The following FBH1 variants were observed in gnomAD, a reference collection of about 807,000 sequenced individuals.
FBH1 encodes DNA 3'-5' helicase 1.
In FBH1, 43 loss-of-function variants were observed where a neutral mutation model predicts 115.5. The ratio of observed to expected loss-of-function variants is 0.37; its 90% CI spans 0.29 to 0.48. FBH1 has a LOEUF of 0.48. Among genes scored for constraint, FBH1 ranks in the 20% least tolerant of loss-of-function variants. The pLI is 0.99. For synonymous variants in FBH1, 524 were observed against 507.8 expected (o/e 1.03, Z -0.43); for missense variants, 1,001 against 1,337.3 (o/e 0.75, Z 3.92).
chr10:5,898,355 A>G (rs150166986), intron 1 of FBH1, among the ~76,000 whole-genome samples: 2,002 of 152,062 alleles, frequency 0.013, 46 homozygotes, highest in African/African-American at 0.045. Context: ...TTATAAGGGC[A>G]CTAATCCCAT....
At chr10:5,928,991 A>G (rs1013834462) in intron 19 of FBH1, among the ~76,000 whole-genome samples, 2 of 152,130 alleles carry the variant, frequency 1.3e-5, no homozygotes, top group Non-Finnish European at 2.9e-5. Context: ...CTGGGGTTGA[A>G]CCACAGGGTG....
intron 1 of FBH1, among the ~76,000 whole-genome samples, chr10:5,893,006 G>C (rs1842820063): frequency 6.6e-6 from 1 of 152,190 alleles, no homozygotes; most frequent in Admixed American, 6.5e-5. Context: ...TAATGACCCT[G>C]CTTTAAAAAT....
intron 1 of FBH1, among the ~76,000 whole-genome samples, chr10:5,902,555 C>G (rs899031516): frequency 1.3e-5 from 2 of 152,048 alleles, no homozygotes; most frequent in African/African-American, 4.8e-5. Context: ...CAACCTCCAC[C>G]TCTTGGGTTC....
chr10:5,929,157 G>C (rs1832827787), intron 19 of FBH1, among the ~76,000 whole-genome samples: 1 of 152,158 alleles, frequency 6.6e-6, no homozygotes, highest in African/African-American at 2.4e-5. Context: ...CAGTGGGCAG[G>C]GAAATTCCTG....
chr10:5,918,336 T>G lies in FBH1; in HGVS notation c.1964-6T>G. Reference sequence around the variant, plus strand: ...GGTTTCTCACTTTTCCTCTCGTTGGTTACAGCTATCATGAACATAGTTCTG... The same window carrying G: ...GGTTTCTCACTTTTCCTCTCGTTGGGTACAGCTATCATGAACATAGTTCTG... On this transcript the variant is annotated splice_polypyrimidine_tract_variant and splice_region_variant and intron_variant, in intron 12 of 20. Transcript: ENST00000362091. This position sits in a 1 kb window ranked among gnomAD's most constrained non-coding sequence, Gnocchi z 4.0. 6.2e-7 allele frequency: 1 copy of G among 1,608,668 alleles called. No individual in the cohort carries two copies. Among genetic ancestry groups the G allele is most frequent in the Non-Finnish European group, 8.5e-7 (1 of 1,178,846 alleles).
chr10:5,922,304 C>A (rs1383650854), intron 15 of FBH1, among the ~76,000 whole-genome samples: 1 of 152,098 alleles, frequency 6.6e-6, no homozygotes, highest in African/African-American at 2.4e-5. Context: ...TATAATAATT[C>A]TCATTTTTGC....
chr10:5,931,011 C>T lies in FBH1; in HGVS notation c.2829+3470C>T, dbSNP rs957766664. Among the ~76,000 whole-genome samples, 2 of 152,152 alleles carry T rather than the reference C, an allele frequency of 1.3e-5. No homozygotes were observed. Among genetic ancestry groups the T allele is most frequent in the African/African-American group, 4.8e-5 (2 of 41,434 alleles). ...CTCCTGGGCTTAAGTGATCCTCCTACCTCAGCCTCCCAAAGTTCTGGGATT... is the reference window on the plus strand; with the variant it reads ...CTCCTGGGCTTAAGTGATCCTCCTATCTCAGCCTCCCAAAGTTCTGGGATT... On this transcript the variant is annotated intron_variant, in intron 19 of 20. Coordinates refer to ENST00000362091, the MANE Select transcript of FBH1 (RefSeq NM_178150.3). This position sits in a 1 kb window ranked among gnomAD's most constrained non-coding sequence, Gnocchi z 4.3.
At position 5,911,676 on chromosome 10, in the gene FBH1, C is replaced by T. The variant is rs1341532486; in HGVS notation, c.1211+548C>T. Among the ~76,000 whole-genome samples, 2 of 152,090 alleles carry T rather than the reference C, an allele frequency of 1.3e-5. No homozygotes were observed. The highest frequency in any genetic ancestry group is 2.9e-5 in the Non-Finnish European group (2 of 68,010). On this transcript the variant is annotated intron_variant, in intron 6 of 20. Transcript: ENST00000362091. This position sits in a 1 kb window ranked among gnomAD's most constrained non-coding sequence, Gnocchi z 5.4. Reference sequence around the variant, plus strand: ...TGTCCACGAGCCGGTCCACTGTGACCGGCTTAGAGGAGTTAGAGGAGATTC... The same window carrying T: ...TGTCCACGAGCCGGTCCACTGTGACTGGCTTAGAGGAGTTAGAGGAGATTC...
intron 1 of FBH1, among the ~76,000 whole-genome samples, chr10:5,893,558 A>G (rs531729540): frequency 5.1e-4 from 77 of 152,268 alleles, no homozygotes; most frequent in Non-Finnish European, 9.0e-4. Context: ...TTTTGCACAC[A>G]TTGTTTCCTT....
At position 5,906,185 on chromosome 10, in the gene FBH1, A is replaced by C. The variant is rs768075253; in HGVS notation, c.306A>C (p.Ala102=). Residue 102 remains alanine, a synonymous_variant, in exon 3 of 21, where the codon GCA becomes GCC. Transcript: ENST00000362091. This position sits in a 1 kb window ranked among gnomAD's most constrained non-coding sequence, Gnocchi z 7.3. The part of the protein sequence containing the change: ...DMIFPAESSC[A]LPQEGSAGPG... ...TCTTTCCTGCAGAGAGCAGCTGTGC[A>C]CTGCCTCAGGAAGGCAGTGCAGGGC... 3.1e-6 allele frequency: 5 copies of C among 1,614,172 alleles called. No homozygotes were observed. The South Asian group carries it at 5.5e-5, about 18-fold the overall frequency.
Position 5,921,207 on chromosome 10 carries a change from C to T in FBH1, c.2101-51C>T, listed in dbSNP as rs376977085. On this transcript the variant is annotated intron_variant, in intron 13 of 20. Coordinates refer to ENST00000362091, the MANE Select transcript of FBH1 (RefSeq NM_178150.3). The surrounding 1 kb of genome is among the most constrained non-coding windows in gnomAD (Gnocchi z 6.4). ...CTGTGGCAGCAGTGATGGAAATGCA[C>T]GGACACACCACAGGGCGGGCTGCTG... 185 of 1,562,898 alleles carry T rather than the reference C, an allele frequency of 1.2e-4. 3 individuals carry two copies. Among genetic ancestry groups the T allele is most frequent in the South Asian group, 1.1e-3 (95 of 89,198 alleles).
intron 3 of FBH1, among the ~76,000 whole-genome samples, chr10:5,908,549 C>T (rs1054127253): frequency 2.0e-5 from 3 of 151,842 alleles, no homozygotes; most frequent in African/African-American, 7.3e-5. Flanking sequence ...GCTGTGATTG[C>T]TTTTCACTGG....
In FBH1 at chr10:5,897,746, T is replaced by C. The variant is rs1321104913; in HGVS notation, c.2-5274T>C. ...GGCTTCATGCCAGAACATATTGGAA[T>C]ATACCGGGACTCCCTTGAAGCAGAA... On this transcript the variant is annotated intron_variant, in intron 1 of 20. Coordinates refer to ENST00000362091, the MANE Select transcript of FBH1 (RefSeq NM_178150.3). This position sits in a 1 kb window ranked among gnomAD's most constrained non-coding sequence, Gnocchi z 4.7. 1.3e-5 allele frequency among the ~76,000 whole-genome samples: 2 copies of C among 152,186 alleles called. No individual in the cohort carries two copies. Among genetic ancestry groups the C allele is most frequent in the East Asian group, 3.9e-4 (2 of 5,190 alleles).
chr10:5,916,390 T>A lies in FBH1; in HGVS notation c.1722T>A (p.Asp574Glu). 2 of 1,614,220 alleles carry A rather than the reference T, an allele frequency of 1.2e-6. No homozygotes were observed. Among genetic ancestry groups the A allele is most frequent in the Non-Finnish European group, 1.7e-6 (2 of 1,180,052 alleles). ...CGGCTGACGAAGAGCTGACCATTGATCACGTGCCTATTTGGTGTAAGAACA... is the reference window on the plus strand; with the variant it reads ...CGGCTGACGAAGAGCTGACCATTGAACACGTGCCTATTTGGTGTAAGAACA... ...FASADEELTI[D>E]HVPIWCKNSQ... is the part of the protein sequence containing the mutation. Residue 574 changes from aspartate (D) to glutamate (E), a missense_variant, in exon 10 of 21, where the codon GAT becomes GAA. Coordinates refer to ENST00000362091, the MANE Select transcript of FBH1 (RefSeq NM_178150.3).
At chr10:5,894,468 T>G in intron 1 of FBH1, 1 of 1,377,078 alleles carries the variant, frequency 7.3e-7, no homozygotes, top group Non-Finnish European at 1.0e-6. Flanking sequence ...AGACCCGGGT[T>G]CTTGTGTTGG....
At chr10:5,928,766 AG>A (rs1832801935) in intron 19 of FBH1, 1 of 152,226 alleles carries the variant, frequency 6.6e-6, no homozygotes, top group South Asian at 2.1e-4. Context: ...AAACTAGAAC[AG>A]AAATTTGAGC....
intron 1 of FBH1, among the ~76,000 whole-genome samples, chr10:5,891,638 C>T (rs1341822526): frequency 6.6e-6 from 1 of 152,214 alleles, no homozygotes; most frequent in Non-Finnish European, 1.5e-5. Flanking sequence ...GAGACAGAGT[C>T]TCGCTCTGTT....
chr10:5,903,333 T>G (rs893682725), intron 2 of FBH1, among the ~76,000 whole-genome samples, 158 bp downstream of exon 2: 6 of 139,368 alleles, frequency 4.3e-5, no homozygotes, highest in Non-Finnish European at 6.4e-5. Flanking sequence ...TCCATGAAGT[T>G]TTTTTTTTTT....
At chr10:5,907,095 T>C (rs138676191) in intron 3 of FBH1, among the ~76,000 whole-genome samples, 1,796 of 152,252 alleles carry the variant, frequency 0.012, 39 homozygotes, top group African/African-American at 0.041. Flanking sequence ...CCCCAGTAGC[T>C]GGGATTACAG....
Sources: gnomAD v4.1 joint callset for allele counts (sites outside exome capture counted in the v4.1 genomes callset) on GRCh38, gnomAD v4.1.1 for gene constraint, Gnocchi (gnomAD v3.1) non-coding constraint, MANE v1.5 for transcripts, NCBI Gene and HGNC (gene_info 2026-07-23, HGNC 2026-07-21) for gene names.